PDLIM4: variants seen among roughly 807,000 people sequenced by gnomAD.
PDLIM4 encodes PDZ and LIM domain protein 4.
PDLIM4 carries 19 observed loss-of-function variants against 31.3 expected under a neutral mutation model. The ratio of observed to expected loss-of-function variants is 0.61; its 90% CI spans 0.42 to 0.89. The LOEUF is 0.89. PDLIM4 is among the 40% of genes least tolerant of loss of function. PDLIM4 has a pLI of 0.00. For synonymous variants in PDLIM4, 176 were observed against 190.1 expected, an observed-to-expected ratio of 0.93 and a Z score of 0.61; for missense variants, 442 against 461.1, an observed-to-expected ratio of 0.96 and a Z score of 0.38.
intron 3 of PDLIM4, among the ~76,000 whole-genome samples, chr5:132,267,411 C>T (rs114059527): frequency 0.022 from 3,302 of 152,346 alleles, 53 homozygotes; most frequent in Middle Eastern, 0.12. Flanking sequence ...CTATTCCCTA[C>T]CCTGCCTGGC....
At chr5:132,269,769 C>T (rs1049968161) in intron 3 of PDLIM4, among the ~76,000 whole-genome samples, 3 of 152,170 alleles carry the variant, frequency 2.0e-5, no homozygotes. Context: ...GTTTACACGT[C>T]ACTCCCAGGC....
chr5:132,257,895 G>A lies in PDLIM4; in HGVS notation c.93+68G>A, dbSNP rs985124414. On this transcript the variant is annotated intron_variant, in intron 1 of 6. Coordinates refer to ENST00000253754, the MANE Select transcript of PDLIM4 (RefSeq NM_003687.4). The surrounding 1 kb of genome is among the most constrained non-coding windows in gnomAD (Gnocchi z 4.3). ...GAGACCGGGTTCTCGCGGTCCGCCCGGGACCCAGATCCCCTGTGTATCCGA... is the reference window on the plus strand; with the variant it reads ...GAGACCGGGTTCTCGCGGTCCGCCCAGGACCCAGATCCCCTGTGTATCCGA... 1.3e-5 allele frequency: 12 copies of A among 902,876 alleles called. No homozygotes were observed. In the African/African-American group the frequency reaches 2.1e-4, roughly 16 times the overall value. 55.9% of individuals were successfully genotyped at this position (902,876 alleles called of 1,614,324 possible).
chr5:132,272,020 A>G lies in PDLIM4; in HGVS notation c.789-5A>G. 6.2e-7 allele frequency: 1 copy of G among 1,613,672 alleles called. No homozygotes were observed. Among genetic ancestry groups the G allele is most frequent in the Non-Finnish European group, 8.5e-7 (1 of 1,179,594 alleles). On this transcript the variant is annotated splice_polypyrimidine_tract_variant and splice_region_variant and intron_variant, in intron 6 of 6. Transcript: ENST00000253754. ...GACGCTGTCCTGTCTCGTTCCCCCC[A>G]TCAGGGGCACCATCGTCAAGGCACG...
intron 3 of PDLIM4, chr5:132,270,396 C>T (rs1324320236): frequency 6.4e-6 from 1 of 155,248 alleles, no homozygotes; most frequent in African/African-American, 2.4e-5. Flanking sequence ...GCCCAAAGGG[C>T]CTTGGACACA....
In PDLIM4 at chr5:132,272,508, G is replaced by C; in HGVS notation, c.*279G>C. ...GTGGAAGGCAGACCTGAATCACAAC[G>C]GGCCAGCTCTAGTAATACGAAGGTG... is the stretch of plus-strand genomic sequence containing the variant. On this transcript the variant is annotated 3_prime_UTR_variant, in exon 7 of 7. Transcript: ENST00000253754. 1 of 508,780 alleles carries C rather than the reference G, an allele frequency of 2.0e-6. No individual in the cohort carries two copies. Among genetic ancestry groups the C allele is most frequent in the Non-Finnish European group, 3.6e-6 (1 of 277,532 alleles). The allele number at this position is 508,780 out of a possible 1,614,324, so 31.5% of individuals were successfully genotyped here. A position where few individuals can be genotyped will look rare whatever the true frequency, so the allele number is the denominator to read the frequency against.
Position 132,271,396 on chromosome 5 carries a change from C to G in PDLIM4, c.600C>G (p.Pro200=), listed in dbSNP as rs754780133. The G allele has an allele frequency of 3.3e-5, 53 of 1,607,918 alleles. No homozygotes were observed. In the East Asian group the frequency reaches 1.1e-3, roughly 34 times the overall value. ...GGATGCTGCGGGAGCCAGCCGAGCC[C>G]GTGGCCGCGGAGCCCAAGCAGTCAG... ...VYRMLREPAE[P]VAAEPKQSGS... is the part of the protein sequence containing the mutation. Residue 200 remains proline (P), a synonymous_variant, in exon 5 of 7, where the codon CCC becomes CCG. Coordinates refer to ENST00000253754, the MANE Select transcript of PDLIM4 (RefSeq NM_003687.4).
At position 132,262,606 on chromosome 5, in the gene PDLIM4, C is replaced by T; in HGVS notation, c.94-3C>T. 1 of 1,603,030 alleles carries T rather than the reference C, an allele frequency of 6.2e-7. No homozygotes were observed. On this transcript the variant is annotated splice_polypyrimidine_tract_variant and splice_region_variant and intron_variant, in intron 1 of 6. Transcript: ENST00000253754. ...CCCAGCCATCTGGCTTGTCTGCTCGCAGGTCCATGCTGGCAGCAAGGCTGC... is the reference window on the plus strand; with the variant it reads ...CCCAGCCATCTGGCTTGTCTGCTCGTAGGTCCATGCTGGCAGCAAGGCTGC...
intron 1 of PDLIM4, among the ~76,000 whole-genome samples, chr5:132,258,260 C>G (rs1432175046): frequency 1.3e-5 from 2 of 152,206 alleles, no homozygotes; most frequent in Non-Finnish European, 2.9e-5. Flanking sequence ...CTTGGTGACC[C>G]AGGGAGGTCT....
At position 132,273,243 on chromosome 5, in the gene PDLIM4, T is replaced by C. The variant is rs1351366039; in HGVS notation, c.*1014T>C. 2 of 152,346 alleles carry C rather than the reference T, an allele frequency of 1.3e-5. No homozygotes were observed. The highest frequency in any genetic ancestry group is 4.8e-5 in the African/African-American group (2 of 41,460). 9.4% of individuals were successfully genotyped at this position (152,346 alleles called of 1,614,324 possible). A position where few individuals can be genotyped will look rare whatever the true frequency, so the allele number is the denominator to read the frequency against. Reference sequence around the variant, plus strand: ...GCTCGGGAGAAGAAACTGACTCGTTTTATTTAGTGCCTATTTAGCGAGCCC... The same window carrying C: ...GCTCGGGAGAAGAAACTGACTCGTTCTATTTAGTGCCTATTTAGCGAGCCC... On this transcript the variant is annotated 3_prime_UTR_variant, in exon 7 of 7. Transcript: ENST00000253754.
At chr5:132,262,852 C>A in intron 2 of PDLIM4, 92 bp downstream of exon 2, 2 of 1,218,428 alleles carry the variant, frequency 1.6e-6, no homozygotes, top group Non-Finnish European at 2.3e-6. Context: ...CTTCACACAG[C>A]CTCTCTGCCT....
chr5:132,267,413 C>G (rs1318952842), intron 3 of PDLIM4, among the ~76,000 whole-genome samples: 2 of 152,254 alleles, frequency 1.3e-5, no homozygotes, highest in African/African-American at 4.8e-5. Flanking sequence ...ATTCCCTACC[C>G]TGCCTGGCTG....
chr5:132,273,148 A>G lies in PDLIM4; in HGVS notation c.*919A>G, dbSNP rs924760416. 6.6e-6 allele frequency: 1 copy of G among 152,240 alleles called. No homozygotes were observed. Among genetic ancestry groups the G allele is most frequent in the Non-Finnish European group, 1.5e-5 (1 of 68,034 alleles). 9.4% of individuals were successfully genotyped at this position (152,240 alleles called of 1,614,324 possible). ...CCCCGGCTGCACACATCGTCTGTGAATTGTGGCTGTTCACTCCCGAGGATG... is the reference window on the plus strand; with the variant it reads ...CCCCGGCTGCACACATCGTCTGTGAGTTGTGGCTGTTCACTCCCGAGGATG... On this transcript the variant is annotated 3_prime_UTR_variant, in exon 7 of 7. Coordinates refer to ENST00000253754, the MANE Select transcript of PDLIM4 (RefSeq NM_003687.4).
In PDLIM4 at chr5:132,271,794, A is replaced by G. The variant is rs1485412516; in HGVS notation, c.674A>G (p.Asp225Gly). ...QGMLEAGEGG[D>G]WPGPGGPRNL... is the part of the protein sequence containing the mutation. ...CCACCTACGCTCCGGGTTTCAGGGGATTGGCCCGGGCCTGGCGGCCCCCGG... is the reference window on the plus strand; with the variant it reads ...CCACCTACGCTCCGGGTTTCAGGGGGTTGGCCCGGGCCTGGCGGCCCCCGG... Residue 225 changes from aspartate (D) to glycine (G), a missense_variant, in exon 6 of 7, where the codon GAT becomes GGT. Coordinates refer to ENST00000253754, the MANE Select transcript of PDLIM4 (RefSeq NM_003687.4). 1 of 1,604,970 alleles carries G rather than the reference A, an allele frequency of 6.2e-7. No homozygotes were observed. The highest frequency in any genetic ancestry group is 2.2e-5 in the East Asian group (1 of 44,832).
chr5:132,268,718 A>C (rs1232506202), intron 3 of PDLIM4, among the ~76,000 whole-genome samples: 1 of 152,174 alleles, frequency 6.6e-6, no homozygotes, highest in African/African-American at 2.4e-5. Context: ...TCCTCCCCAG[A>C]CCAGCAGAGA....
intron 1 of PDLIM4, among the ~76,000 whole-genome samples, chr5:132,259,317 T>G (rs1756322514): frequency 6.6e-6 from 1 of 152,030 alleles, no homozygotes; most frequent in African/African-American, 2.4e-5. Flanking sequence ...GGCAGGGAGC[T>G]GAGACATCTG....
intron 3 of PDLIM4, among the ~76,000 whole-genome samples, chr5:132,269,255 C>T (rs1293425615): frequency 1.3e-5 from 2 of 151,940 alleles, no homozygotes; most frequent in East Asian, 3.9e-4. Context: ...CCCCTGCACC[C>T]TGCTGGGTAG....
chr5:132,258,218 C>T (rs1756288306), intron 1 of PDLIM4, among the ~76,000 whole-genome samples: 1 of 152,212 alleles, frequency 6.6e-6, no homozygotes, highest in African/African-American at 2.4e-5. Context: ...TTAGAGCCCC[C>T]CTTCCCCTAT....
At position 132,271,024 on chromosome 5, in the gene PDLIM4, C is replaced by T; in HGVS notation, c.437C>T (p.Pro146Leu). 1 of 1,614,164 alleles carries T rather than the reference C, an allele frequency of 6.2e-7. No homozygotes were observed. Among genetic ancestry groups the T allele is most frequent in the Non-Finnish European group, 8.5e-7 (1 of 1,179,998 alleles). The change falls in exon 4 of 7, where the codon CCT (proline) becomes CTT (leucine). Residue 146 changes from proline (P) to leucine (L), a missense_variant. By Grantham distance (98) the Pro-to-Leu change is moderately conservative (BLOSUM62 -3). Coordinates refer to ENST00000253754, the MANE Select transcript of PDLIM4 (RefSeq NM_003687.4). Reference sequence around the variant, plus strand: ...GGACAACCCCCTCGCTTTCCAGTCCCTCACAATGGCAGCAGCGAGGCCACC... The same window carrying T: ...GGACAACCCCCTCGCTTTCCAGTCCTTCACAATGGCAGCAGCGAGGCCACC... Reference protein sequence around the residue: ...PYGQPPRFPVPHNGSSEATLP... With the variant: ...PYGQPPRFPVLHNGSSEATLP...
At chr5:132,264,198 G>A (rs139029584) in intron 2 of PDLIM4, among the ~76,000 whole-genome samples, 20 of 152,232 alleles carry the variant, frequency 1.3e-4, no homozygotes, top group South Asian at 6.2e-4. Context: ...TGATGTCAGC[G>A]GAGGGTGGTG....
Sources: allele counts gnomAD v4.1 joint callset (sites outside exome capture counted in the v4.1 genomes callset), GRCh38; gene constraint gnomAD v4.1.1; non-coding constraint Gnocchi (gnomAD v3.1); transcripts MANE v1.5; gene names NCBI Gene and HGNC (gene_info 2026-07-23, HGNC 2026-07-21).